NT5C3A: variants seen among roughly 807,000 people sequenced by gnomAD.
NT5C3A encodes cytosolic 5'-nucleotidase 3A.
Under a neutral mutation model 40.0 loss-of-function variants are expected in NT5C3A, and 23 were observed. That is an observed-to-expected ratio of 0.58 (90% CI 0.41 to 0.81). The LOEUF (loss-of-function observed/expected upper bound fraction) is 0.81, where lower values mean the gene tolerates loss of function less well. NT5C3A is among the 40% of genes least tolerant of loss of function. The probability of loss-of-function intolerance (pLI) is 0.00; values close to 1 mark genes in which losing one functional copy is unlikely to be tolerated. For synonymous variants in NT5C3A, 130 were observed against 141.4 expected (o/e 0.92, Z 0.57); for missense variants, 328 against 403.0 (o/e 0.81, Z 1.59).
At chr7:33,026,212 G>T (rs1409289816) in intron 2 of NT5C3A, among the ~76,000 whole-genome samples, 1 of 151,848 alleles carries the variant, frequency 6.6e-6, no homozygotes, top group African/African-American at 2.4e-5. Context: ...GCTGGTTGTG[G>T]TGGCTGGCAC....
intron 1 of NT5C3A, chr7:33,029,228 A>G (rs1786111174): frequency 6.8e-6 from 1 of 146,384 alleles, no homozygotes; most frequent in Non-Finnish European, 1.4e-5. Context: ...GGAAAGGCAG[A>G]TAGGCACTGG....
rs1412250704 is a variant in NT5C3A, at chr7:33,017,481, G to A, written c.651C>T (p.Pro217=). 2.5e-6 allele frequency: 4 copies of A among 1,613,250 alleles called. No individual in the cohort carries two copies. The highest frequency in any genetic ancestry group is 2.5e-6 in the Non-Finnish European group (3 of 1,179,340). ...TAAAATTGGACACAACTTTGACATT[G>A]GGATGATAAACACCAGCTTGACGAA... The part of the protein sequence containing the change: ...EVIRQAGVYH[P]NVKVVSNFMD... Residue 217 remains proline (P), a synonymous_variant, in exon 7 of 9, where the codon CCC becomes CCT. Coordinates refer to ENST00000610140, the MANE Select transcript of NT5C3A (RefSeq NM_001002010.5).
intron 1 of NT5C3A, among the ~76,000 whole-genome samples, chr7:33,051,932 GCAATA>G (rs1444425585): frequency 1.3e-5 from 2 of 152,008 alleles, no homozygotes; most frequent in African/African-American, 4.8e-5. Context: ...ATATATAAAA[GCAATA>G]CATGCTCATG....
intron 5 of NT5C3A, among the ~76,000 whole-genome samples, chr7:33,020,212 T>C (rs775247228): frequency 5.9e-4 from 89 of 152,134 alleles, no homozygotes; most frequent in Non-Finnish European, 5.1e-4. Context: ...CCTATAATCA[T>C]AGCATCTCAG....
At chr7:33,027,133 A>G in intron 1 of NT5C3A, 3 of 444,044 alleles carry the variant, frequency 6.8e-6, no homozygotes, top group Non-Finnish European at 1.2e-5. Context: ...GCAGTGGCAC[A>G]ATCCTAGCTC....
chr7:33,025,734 T>C (rs1339409752), intron 2 of NT5C3A, among the ~76,000 whole-genome samples: 1 of 152,244 alleles, frequency 6.6e-6, no homozygotes, highest in Admixed American at 6.5e-5. Context: ...TTATTAACTT[T>C]TGTTTTTCCA....
chr7:33,022,958 T>G (rs1785709753), intron 3 of NT5C3A, among the ~76,000 whole-genome samples: 1 of 151,402 alleles, frequency 6.6e-6, no homozygotes, highest in African/African-American at 2.4e-5. Flanking sequence ...TGTTTTGTCA[T>G]CCAGGCTGGA....
intron 1 of NT5C3A, among the ~76,000 whole-genome samples, chr7:33,052,689 G>C (rs1787417849): frequency 6.6e-6 from 1 of 152,052 alleles, no homozygotes; most frequent in Non-Finnish European, 1.5e-5. Context: ...TTATTTGTGA[G>C]CAAGTAACCT....
intron 1 of NT5C3A, among the ~76,000 whole-genome samples, chr7:33,059,033 T>G (rs1787676031): frequency 6.6e-6 from 1 of 152,178 alleles, no homozygotes; most frequent in African/African-American, 2.4e-5. Context: ...TTGGAAACAT[T>G]TCCTGTTATT....
chr7:33,027,034 AAAGC>A, intron 1 of NT5C3A, 119 bp from the exon 2 acceptor site: 1 of 662,956 alleles, frequency 1.5e-6, no homozygotes, highest in South Asian at 1.7e-5. Context: ...TTATTTTTAA[AAAGC>A]AAGCCACCAC....
chr7:33,027,179 C>A, intron 1 of NT5C3A: 1 of 395,918 alleles, frequency 2.5e-6, no homozygotes, highest in East Asian at 5.8e-5. Flanking sequence ...AAATGATCCT[C>A]CCATCTCAGC....
intron 1 of NT5C3A, among the ~76,000 whole-genome samples, chr7:33,031,592 A>AT (rs1444087685): frequency 1.2e-4 from 18 of 152,016 alleles, no homozygotes; most frequent in Admixed American, 9.2e-4. Context: ...GTCTCAAAAA[A>AT]AAAATAAATA....
intron 1 of NT5C3A, among the ~76,000 whole-genome samples, chr7:33,031,794 G>A (rs1786274515): frequency 6.6e-6 from 1 of 151,754 alleles, no homozygotes; most frequent in South Asian, 2.1e-4. Context: ...AAATATGTAT[G>A]TTCATCTATA....
intron 1 of NT5C3A, among the ~76,000 whole-genome samples, chr7:33,035,030 G>A (rs1786510612): frequency 7.0e-6 from 1 of 143,868 alleles, no homozygotes; most frequent in Non-Finnish European, 1.5e-5. Context: ...TAACGTAATA[G>A]AGTAGATCAA....
At chr7:33,050,355 T>C (rs1199050222) in intron 1 of NT5C3A, among the ~76,000 whole-genome samples, 1 of 152,220 alleles carries the variant, frequency 6.6e-6, no homozygotes, top group Non-Finnish European at 1.5e-5. Flanking sequence ...TAAGTTTCTA[T>C]TTTGCAACAT....
Position 33,062,747 on chromosome 7 carries a change from C to A in NT5C3A, c.-42G>T, listed in dbSNP as rs557187986. ...CGCGTCCAAGCAGGAAAAAAACAGG[C>A]AGCTCGCGTAGACTGCGAGTCTCGG... is the stretch of plus-strand genomic sequence containing the variant. On this transcript the variant is annotated 5_prime_UTR_variant, in exon 1 of 9. Transcript: ENST00000610140. 7 of 1,549,430 alleles carry A rather than the reference C, an allele frequency of 4.5e-6. No individual in the cohort carries two copies. Among genetic ancestry groups the A allele is most frequent in the South Asian group, 2.4e-5 (2 of 84,128 alleles).
chr7:33,041,668 C>A (rs558259526), intron 1 of NT5C3A, among the ~76,000 whole-genome samples: 2 of 151,586 alleles, frequency 1.3e-5, no homozygotes, highest in East Asian at 3.9e-4. Context: ...AAATTAATTT[C>A]TGTTTTTAAA....
intron 1 of NT5C3A, among the ~76,000 whole-genome samples, chr7:33,032,378 C>T (rs867637938): frequency 4.0e-5 from 6 of 148,488 alleles, no homozygotes; most frequent in South Asian, 2.1e-4. Flanking sequence ...GCCAGGATTT[C>T]GCCACTGCAC....
intron 6 of NT5C3A, 39 bp downstream of exon 6, chr7:33,019,596 C>T (rs369322783): frequency 1.5e-5 from 17 of 1,159,182 alleles, no homozygotes; most frequent in Non-Finnish European, 2.0e-5. Context: ...TAATTCAAGT[C>T]TGTGAACAAT....
Sources: allele counts gnomAD v4.1 joint callset (sites outside exome capture counted in the v4.1 genomes callset), GRCh38; gene constraint gnomAD v4.1.1; transcripts MANE v1.5; gene names NCBI Gene and HGNC (gene_info 2026-07-23, HGNC 2026-07-21).